The following NRXN3 variants were observed in gnomAD, a reference collection of about 807,000 sequenced individuals.
The protein encoded by NRXN3 is neurexin 3.
NRXN3 carries 32 observed loss-of-function variants against 137.6 expected under a neutral mutation model. The observed-to-expected ratio is 0.23, with a 90% CI of 0.18 to 0.31. The LOEUF is 0.31. Ranked by LOEUF, NRXN3 falls within the 10% of genes least tolerant of loss-of-function variation. NRXN3 has a pLI of 1.00. For synonymous variants in NRXN3, 798 were observed against 784.5 expected (o/e 1.02, Z -0.29); for missense variants, 1,574 against 2,062.5 (o/e 0.76, Z 4.59).
chr14:79,221,637 A>G (rs924692597), intron 15 of NRXN3, among the ~76,000 whole-genome samples: 7 of 152,102 alleles, frequency 4.6e-5, no homozygotes, highest in Admixed American at 3.3e-4. Context: ...TGTTCTTTGT[A>G]GATTCCGGAT....
intron 20 of NRXN3, among the ~76,000 whole-genome samples, chr14:79,810,094 G>T (rs1429025267): frequency 6.6e-6 from 1 of 152,004 alleles, no homozygotes; most frequent in African/African-American, 2.4e-5. Flanking sequence ...ATGTATTCTT[G>T]GATGAGCTTT....
chr14:79,034,627 T>A (rs1319748833), intron 15 of NRXN3, among the ~76,000 whole-genome samples: 1 of 152,120 alleles, frequency 6.6e-6, no homozygotes, highest in Non-Finnish European at 1.5e-5. Flanking sequence ...TATGATGTCT[T>A]GATAAACATT....
At chr14:78,816,276 C>G (rs1868915829) in intron 10 of NRXN3, among the ~76,000 whole-genome samples, 1 of 152,152 alleles carries the variant, frequency 6.6e-6, no homozygotes. Flanking sequence ...ATTCCTCAAA[C>G]TCCTTTTCCC....
chr14:78,744,282 GC>G (rs1478128721), intron 8 of NRXN3: 1 of 152,184 alleles, frequency 6.6e-6, no homozygotes, highest in African/African-American at 2.4e-5. Context: ...TGGGATTACA[GC>G]ATACCTGGCT....
chr14:79,581,212 C>T (rs983624839), intron 16 of NRXN3, among the ~76,000 whole-genome samples: 1 of 152,120 alleles, frequency 6.6e-6, no homozygotes, highest in Non-Finnish European at 1.5e-5. Context: ...CCTGATTTTC[C>T]AAGTTAGGAC....
intron 5 of NRXN3, among the ~76,000 whole-genome samples, chr14:78,647,419 A>AATATGCAAAGCACCTT (rs1287135076): frequency 6.6e-6 from 1 of 152,230 alleles, no homozygotes; most frequent in East Asian, 1.9e-4. Flanking sequence ...GTGGTGGCTA[A>AATATGCAAAGCACCTT]ATATGCAAAG....
At chr14:78,699,633 G>A (rs1031185856) in intron 6 of NRXN3, among the ~76,000 whole-genome samples, 2 of 152,038 alleles carry the variant, frequency 1.3e-5, no homozygotes, top group Non-Finnish European at 2.9e-5. Flanking sequence ...TACTCTAATA[G>A]TTACCTTTTT....
intron 15 of NRXN3, among the ~76,000 whole-genome samples, chr14:79,364,076 G>C (rs965524043): frequency 1.1e-4 from 16 of 152,286 alleles, no homozygotes; most frequent in Admixed American, 7.2e-4. Flanking sequence ...GGCCATATCT[G>C]TATGGCTATC....
At chr14:79,188,342 G>A (rs2063785381) in intron 15 of NRXN3, among the ~76,000 whole-genome samples, 1 of 151,532 alleles carries the variant, frequency 6.6e-6, no homozygotes, top group Non-Finnish European at 1.5e-5. Flanking sequence ...GAAAAAATAG[G>A]CAATTTTCAA....
At chr14:78,927,999 T>G (rs959059186) in intron 10 of NRXN3, among the ~76,000 whole-genome samples, 2 of 152,166 alleles carry the variant, frequency 1.3e-5, no homozygotes, top group Non-Finnish European at 2.9e-5. Flanking sequence ...TGTAGATAAA[T>G]ACAACAGCTT....
chr14:78,259,516 C>T (rs978842674), intron 2 of NRXN3, among the ~76,000 whole-genome samples: 11 of 152,144 alleles, frequency 7.2e-5, no homozygotes, highest in Admixed American at 2.0e-4. Context: ...GGAAGAAATT[C>T]TCCTACCTCT....
At chr14:79,238,236 G>A (rs533201768) in intron 15 of NRXN3, among the ~76,000 whole-genome samples, 1 of 151,992 alleles carries the variant, frequency 6.6e-6, no homozygotes, top group Non-Finnish European at 1.5e-5. Context: ...TTAATACTAG[G>A]CCTCACAAAT....
At chr14:78,982,486 T>G (rs2099491836) in intron 14 of NRXN3, among the ~76,000 whole-genome samples, 1 of 148,624 alleles carries the variant, frequency 6.7e-6, no homozygotes, top group African/African-American at 2.6e-5. Context: ...CAAAATAAAC[T>G]TATGCATTAT....
intron 4 of NRXN3, among the ~76,000 whole-genome samples, chr14:78,298,196 A>T (rs901083596): frequency 6.6e-6 from 1 of 152,194 alleles, no homozygotes; most frequent in African/African-American, 2.4e-5. Context: ...TTTCAGAGCA[A>T]CCAAGCGGTT....
chr14:79,190,804 A>C (rs761279963), intron 15 of NRXN3, among the ~76,000 whole-genome samples: 2 of 152,158 alleles, frequency 1.3e-5, no homozygotes, highest in Non-Finnish European at 2.9e-5. Flanking sequence ...TTATCCTTCT[A>C]CTAAGTCACT....
intron 20 of NRXN3, among the ~76,000 whole-genome samples, chr14:79,857,253 G>C (rs1160423976): frequency 6.6e-6 from 1 of 152,022 alleles, no homozygotes; most frequent in Non-Finnish European, 1.5e-5. Flanking sequence ...ACAGAGTCTC[G>C]CTCTGTCGCC....
intron 15 of NRXN3, among the ~76,000 whole-genome samples, chr14:79,448,359 A>G (rs1002971385): frequency 1.3e-5 from 2 of 152,076 alleles, no homozygotes; most frequent in Non-Finnish European, 1.5e-5. Context: ...TGCTTTTATT[A>G]GCCCTTGAAA....
Position 78,968,360 on chromosome 14 carries a change from T to C in NRXN3, c.3142+14T>C. 1 of 1,609,872 alleles carries C rather than the reference T, an allele frequency of 6.2e-7. No individual in the cohort carries two copies. Among genetic ancestry groups the C allele is most frequent in the Non-Finnish European group, 8.5e-7 (1 of 1,177,080 alleles). ...GTGGCTGTGAAGGTACAACCTATTT[T>C]TTTCTTGTTAAGCTACAGCCTTGTT... On this transcript the variant is annotated intron_variant, in intron 14 of 20. Coordinates refer to ENST00000335750, the MANE Select transcript of NRXN3 (RefSeq NM_001330195.2).
chr14:78,393,575 A>G (rs560418844), intron 4 of NRXN3, among the ~76,000 whole-genome samples: 28 of 152,124 alleles, frequency 1.8e-4, no homozygotes, highest in African/African-American at 5.8e-4. Flanking sequence ...TTCTTTTTCA[A>G]TATTGCTTCA....
Sources: allele counts gnomAD v4.1 joint callset (sites outside exome capture counted in the v4.1 genomes callset), GRCh38; gene constraint gnomAD v4.1.1; transcripts MANE v1.5; gene names NCBI Gene and HGNC (gene_info 2026-07-23, HGNC 2026-07-21).